Variants in KYNU observed in about 807,000 individuals in gnomAD.
The protein encoded by KYNU is kynureninase, also known as L-kynurenine hydrolase.
KYNU carries 54 observed loss-of-function variants against 59.2 expected under a neutral mutation model. The observed-to-expected ratio is 0.91, with a 90% confidence interval of 0.73 to 1.14. The LOEUF (loss-of-function observed/expected upper bound fraction) is 1.14. Ranked by LOEUF, KYNU falls within the 50% of genes most tolerant of loss-of-function variation. The pLI is 0.00. For missense variants in KYNU, 567 were observed against 554.4 expected, an observed-to-expected ratio of 1.02 and a Z score of -0.23; for synonymous variants, 177 against 192.0, an observed-to-expected ratio of 0.92 and a Z score of 0.65.
chr2:143,041,668 A>G (rs1158694430), intron 13 of KYNU, among the ~76,000 whole-genome samples: 1 of 151,940 alleles, frequency 6.6e-6, no homozygotes, highest in East Asian at 1.9e-4. Flanking sequence ...AATTTACTAA[A>G]ACTCTCCAGA....
Position 143,011,053 on chromosome 2 carries a change from T to A in KYNU, c.903-18574T>A, listed in dbSNP as rs535922866. 3.5e-3 allele frequency among the ~76,000 whole-genome samples: 511 copies of A among 145,578 alleles called. 39 individuals are homozygous for A. The Middle Eastern group carries it at 0.05, about 14-fold the overall frequency. On this transcript the variant is annotated intron_variant, in intron 10 of 13. Coordinates refer to ENST00000264170, the MANE Select transcript of KYNU (RefSeq NM_003937.3). ...AAAGCAATGGCAACCAAAGCCAAAA[T>A]TGACAAATGGGATCTAATTAAACTA...
chr2:142,984,507 G>T (rs1471239743), intron 8 of KYNU, among the ~76,000 whole-genome samples: 1 of 151,998 alleles, frequency 6.6e-6, no homozygotes, highest in Non-Finnish European at 1.5e-5. Flanking sequence ...TGCAGAAATG[G>T]TTGTCCATGA....
At chr2:143,042,026 G>A (rs745783541) in intron 13 of KYNU, 21 bp from the exon 14 acceptor site, 50 of 1,610,052 alleles carry the variant, frequency 3.1e-5, no homozygotes, top group Non-Finnish European at 4.2e-5. Flanking sequence ...ACATTATTGT[G>A]GCTTTATTTT....
intron 2 of KYNU, among the ~76,000 whole-genome samples, chr2:142,886,289 T>C (rs1463442272): frequency 6.6e-6 from 1 of 152,156 alleles, no homozygotes; most frequent in Non-Finnish European, 1.5e-5. Context: ...TTTATTCAGA[T>C]TAAATAAGGT....
chr2:142,964,040 T>C (rs1470321141), intron 8 of KYNU, among the ~76,000 whole-genome samples: 1 of 150,530 alleles, frequency 6.6e-6, no homozygotes, highest in Non-Finnish European at 1.5e-5. Context: ...TTTTATAAAG[T>C]TTTTTTTTGT....
At chr2:142,883,186 CTTTTTTTTTT>C (rs70997528) in intron 1 of KYNU, among the ~76,000 whole-genome samples, 2 of 72,038 alleles carry the variant, frequency 2.8e-5, no homozygotes, top group East Asian at 4.4e-4. Context: ...TCCCAAATTT[CTTTTTTTTTT>C]TTTTTTTTTT....
At chr2:142,998,512 T>G (rs1038065161) in intron 10 of KYNU, among the ~76,000 whole-genome samples, 3 of 152,200 alleles carry the variant, frequency 2.0e-5, no homozygotes, top group African/African-American at 7.2e-5. Context: ...ATTTGCTTTT[T>G]AAAAGGTTTT....
At chr2:142,978,177 G>C (rs540900110) in intron 8 of KYNU, among the ~76,000 whole-genome samples, 98 of 152,098 alleles carry the variant, frequency 6.4e-4, no homozygotes, top group Non-Finnish European at 1.1e-3. Flanking sequence ...ACCTATTATT[G>C]CTAATCATTT....
intron 3 of KYNU, among the ~76,000 whole-genome samples, chr2:142,924,110 C>T (rs1682974159): frequency 6.6e-6 from 1 of 152,006 alleles, no homozygotes; most frequent in African/African-American, 2.4e-5. Flanking sequence ...TTCTAATTAA[C>T]ATTCTTTTTT....
In KYNU at chr2:143,054,902, A is replaced by G. The variant is rs143753272; in HGVS notation, c.*12730A>G. 19 of 152,330 alleles carry G rather than the reference A, an allele frequency of 1.2e-4. No homozygotes were observed. The highest frequency in any genetic ancestry group is 4.6e-4 in the African/African-American group (19 of 41,574). 9.4% of individuals were successfully genotyped at this position (152,330 alleles called of 1,614,324 possible). A position where few individuals can be genotyped will look rare whatever the true frequency, so the allele number is the denominator to read the frequency against. On this transcript the variant is annotated 3_prime_UTR_variant, in exon 14 of 14. Coordinates refer to ENST00000264170, the MANE Select transcript of KYNU (RefSeq NM_003937.3). The stretch of plus-strand genomic sequence containing the variant: ...GGTTGGGATCTTCATTCAAAGACCA[A>G]CTATAAAAAGACATTGTTGTGAGAA...
chr2:142,887,331 G>T (rs1465444354), intron 2 of KYNU, among the ~76,000 whole-genome samples: 1 of 152,130 alleles, frequency 6.6e-6, no homozygotes, highest in African/African-American at 2.4e-5. Flanking sequence ...AGTGATTACA[G>T]CCCTTGTGCA....
intron 10 of KYNU, among the ~76,000 whole-genome samples, chr2:143,003,711 G>A (rs1249843479): frequency 1.3e-5 from 2 of 151,926 alleles, no homozygotes; most frequent in African/African-American, 2.4e-5. Context: ...AGATGATATG[G>A]GTTAGGTTAG....
intron 10 of KYNU, among the ~76,000 whole-genome samples, chr2:143,027,246 A>C (rs1686602130): frequency 6.6e-6 from 1 of 152,228 alleles, no homozygotes; most frequent in Non-Finnish European, 1.5e-5. Flanking sequence ...GGGACAGAAA[A>C]CAATGCATAT....
chr2:142,952,868 T>C (rs1684035811), intron 4 of KYNU, among the ~76,000 whole-genome samples: 1 of 152,202 alleles, frequency 6.6e-6, no homozygotes, highest in African/African-American at 2.4e-5. Context: ...CTCTTTCCAC[T>C]AATTCTGTAT....
intron 4 of KYNU, among the ~76,000 whole-genome samples, chr2:142,952,913 C>G (rs925890407): frequency 6.6e-6 from 1 of 152,096 alleles, no homozygotes; most frequent in East Asian, 1.9e-4. Context: ...CCTCCTTCCA[C>G]TCACCCTGCC....
intron 10 of KYNU, among the ~76,000 whole-genome samples, chr2:143,016,624 A>G (rs917164978): frequency 1.3e-5 from 2 of 152,196 alleles, no homozygotes; most frequent in East Asian, 1.9e-4. Context: ...TGTTTATATT[A>G]GATTTGAGAA....
At chr2:143,015,990 C>G (rs1183183168) in intron 10 of KYNU, among the ~76,000 whole-genome samples, 1 of 152,200 alleles carries the variant, frequency 6.6e-6, no homozygotes, top group South Asian at 2.1e-4. Flanking sequence ...GAAACATATT[C>G]TTATCTCCTT....
intron 4 of KYNU, among the ~76,000 whole-genome samples, chr2:142,949,302 C>G (rs1334821728): frequency 7.2e-5 from 11 of 152,324 alleles, no homozygotes; most frequent in Non-Finnish European, 5.9e-5. Context: ...GCCCTCTTCT[C>G]ACAGCTCCAC....
chr2:142,903,525 G>A (rs918190790), intron 2 of KYNU, among the ~76,000 whole-genome samples: 1 of 109,282 alleles, frequency 9.2e-6, no homozygotes, highest in Non-Finnish European at 1.9e-5. Context: ...GCTGTCCCAG[G>A]ACCCCTTGGA....
Sources: gnomAD v4.1 joint callset for allele counts (sites outside exome capture counted in the v4.1 genomes callset) on GRCh38, gnomAD v4.1.1 for gene constraint, MANE v1.5 for transcripts, NCBI Gene and HGNC (gene_info 2026-07-23, HGNC 2026-07-21) for gene names.